PSMB2: variants seen among roughly 807,000 people sequenced by gnomAD.
PSMB2 encodes proteasome subunit beta type-2.
In PSMB2, 13 loss-of-function variants were observed where a neutral mutation model predicts 25.7. That is an observed-to-expected ratio of 0.51 (90% confidence interval 0.33 to 0.80). The LOEUF (loss-of-function observed/expected upper bound fraction) is 0.80. Among genes scored for constraint, PSMB2 ranks in the 30% least tolerant of loss-of-function variants. PSMB2 has a pLI of 0.02. For synonymous variants in PSMB2, 87 were observed against 96.2 expected (o/e 0.90, Z 0.56); for missense variants, 202 against 259.0 (o/e 0.78, Z 1.51).
Position 35,601,296 on chromosome 1 carries a change from CCT to C in PSMB2, c.*1969_*1970del, listed in dbSNP as rs201963362. The C allele has an allele frequency of 4.1e-3, 3,491 of 858,926 alleles. 88 individuals carry two copies. In the African/African-American group the frequency reaches 0.059, roughly 15 times the overall value. The allele number at this position is 858,926 out of a possible 1,614,324, so 53.2% of individuals were successfully genotyped here. On this transcript the variant is annotated 3_prime_UTR_variant, in exon 6 of 6. Coordinates refer to ENST00000373237, the MANE Select transcript of PSMB2 (RefSeq NM_002794.5). ...ATGTTGGCCAGGCTGGTCTTGAACT[CCT>C]GACCTCAGGTGATCCGCCCGCCTCG...
At chr1:35,640,082 A>G (rs112079810) in intron 1 of PSMB2, among the ~76,000 whole-genome samples, 2 of 146,150 alleles carry the variant, frequency 1.4e-5, no homozygotes, top group African/African-American at 5.4e-5. Context: ...ATACTATACT[A>G]TACTATACTA....
intron 5 of PSMB2, among the ~76,000 whole-genome samples, chr1:35,604,974 C>G (rs140104544): frequency 0.015 from 2,274 of 152,230 alleles, 61 homozygotes; most frequent in African/African-American, 0.051. Flanking sequence ...CTTACACACA[C>G]TAAAATTTGA....
chr1:35,628,623 ATATATATATTTTT>A (rs1557456582), intron 3 of PSMB2, among the ~76,000 whole-genome samples: 29 of 46,464 alleles, frequency 6.2e-4, no homozygotes, highest in African/African-American at 2.5e-3. Context: ...ATATATATAT[ATATATATATTTTT>A]TTTTTTTTTT....
In PSMB2 at chr1:35,599,988, T is replaced by A; in HGVS notation, c.*3279A>T. On this transcript the variant is annotated 3_prime_UTR_variant, in exon 6 of 6. Transcript: ENST00000373237. ...TCTCTACAAAAAATTTTGACAAAAT[T>A]AGCTGGGTGCAGTGGTGCACCCCTC... The A allele has an allele frequency of 1.6e-6, 1 of 628,960 alleles. No homozygotes were observed. Among genetic ancestry groups the A allele is most frequent in the Non-Finnish European group, 2.0e-6 (1 of 504,836 alleles). The allele number at this position is 628,960 out of a possible 1,614,324, so 39.0% of individuals were successfully genotyped here.
At chr1:35,619,455 CT>C (rs1387959972) in intron 3 of PSMB2, among the ~76,000 whole-genome samples, 4 of 152,154 alleles carry the variant, frequency 2.6e-5, no homozygotes, top group Non-Finnish European at 4.4e-5. Flanking sequence ...CACTTGGAGT[CT>C]TGAGTGCCCC....
At chr1:35,634,451 A>T (rs560706154) in intron 2 of PSMB2, among the ~76,000 whole-genome samples, 1 of 152,292 alleles carries the variant, frequency 6.6e-6, no homozygotes, top group Admixed American at 6.5e-5. Flanking sequence ...ATCATGGCTC[A>T]CTGAGACCTT....
chr1:35,629,939 C>T (rs963887927), intron 3 of PSMB2, among the ~76,000 whole-genome samples: 2 of 152,180 alleles, frequency 1.3e-5, no homozygotes, highest in Admixed American at 6.5e-5. Flanking sequence ...GAGGCCAAGG[C>T]GGGCAGATCA....
In PSMB2 at chr1:35,600,081, T is replaced by G; in HGVS notation, c.*3186A>C. ...AGCCCAGGAGTTCAAGTGAACTTAC[T>G]GCAGTAAGCTACGATCGTGCCACTG... On this transcript the variant is annotated 3_prime_UTR_variant, in exon 6 of 6. Transcript: ENST00000373237. The G allele has an allele frequency of 1.3e-6, 1 of 791,542 alleles. No individual in the cohort carries two copies. The highest frequency in any genetic ancestry group is 1.5e-6 in the Non-Finnish European group (1 of 653,398). The allele number at this position is 791,542 out of a possible 1,614,324, so 49.0% of individuals were successfully genotyped here.
intron 3 of PSMB2, among the ~76,000 whole-genome samples, chr1:35,622,320 C>G (rs1202900598): frequency 2.0e-5 from 3 of 152,106 alleles, no homozygotes; most frequent in Non-Finnish European, 4.4e-5. Context: ...CTATGCCTAC[C>G]CAGACTGGGG....
chr1:35,641,216 A>T (rs1651385963), intron 1 of PSMB2, 126 bp downstream of exon 1: 2 of 1,187,946 alleles, frequency 1.7e-6, no homozygotes, highest in Non-Finnish European at 2.3e-6. Context: ...AAATAAAATA[A>T]GTACGGGCAG....
intron 3 of PSMB2, among the ~76,000 whole-genome samples, chr1:35,617,707 CAG>C (rs1427631471): frequency 2.6e-5 from 4 of 152,162 alleles, no homozygotes; most frequent in East Asian, 1.9e-4. Context: ...GACAAAGAAA[CAG>C]AGGAATATGG....
At chr1:35,635,982 G>T (rs1223902751) in intron 2 of PSMB2, among the ~76,000 whole-genome samples, 3 of 152,008 alleles carry the variant, frequency 2.0e-5, no homozygotes, top group Admixed American at 2.0e-4. Flanking sequence ...TAGTACTTTA[G>T]TATGTGACTG....
At chr1:35,630,271 G>A (rs1031795524) in intron 3 of PSMB2, among the ~76,000 whole-genome samples, 1 of 152,112 alleles carries the variant, frequency 6.6e-6, no homozygotes, top group Non-Finnish European at 1.5e-5. Context: ...TAAGTAATAT[G>A]GTTTGTTACA....
intron 3 of PSMB2, among the ~76,000 whole-genome samples, chr1:35,613,529 A>G (rs972512398): frequency 2.0e-5 from 3 of 152,236 alleles, no homozygotes; most frequent in Non-Finnish European, 4.4e-5. Flanking sequence ...AATAAAAAGA[A>G]AAGTCACTAA....
intron 2 of PSMB2, among the ~76,000 whole-genome samples, chr1:35,633,592 G>A (rs190381950): frequency 6.6e-6 from 1 of 152,282 alleles, no homozygotes; most frequent in Admixed American, 6.5e-5. Context: ...AGCCAGTGAA[G>A]TCATACAGTA....
At chr1:35,605,784 C>T (rs1650151376) in intron 4 of PSMB2, among the ~76,000 whole-genome samples, 1 of 152,118 alleles carries the variant, frequency 6.6e-6, no homozygotes. Flanking sequence ...AAATAGGAGC[C>T]AAAGGAACTG....
rs77628349 is a variant in PSMB2, at chr1:35,617,892, C to T, written c.286-8484G>A. Among the ~76,000 whole-genome samples the T allele has an allele frequency of 6.1e-3, 930 of 152,334 alleles. 7 individuals are homozygous for T. The highest frequency in any genetic ancestry group is 9.7e-3 in the South Asian group (47 of 4,826). ...AACATTTGCCACTTCCATCCCTCTG[C>T]TGATCCAAGCCTTTTTTCATGACAT... On this transcript the variant is annotated intron_variant, in intron 3 of 5. Coordinates refer to ENST00000373237, the MANE Select transcript of PSMB2 (RefSeq NM_002794.5).
In PSMB2 at chr1:35,636,397, A is replaced by G. The variant is rs145971155; in HGVS notation, c.127T>C (p.Leu43=). The change falls in exon 2 of 6, where the codon TTA becomes CTA. Residue 43 remains leucine, a synonymous_variant. Transcript: ENST00000373237. The part of the protein sequence containing the change: ...DKMFKMSEKI[L]LLCVGEAGDT... ...CCAGCCTCTCCAACACACAGGAGTA[A>G]TATCTTTTCACTCATCTTAAACATC... 1.2e-5 allele frequency: 20 copies of G among 1,614,042 alleles called. 1 individual carries two copies. The African/African-American group carries it at 2.4e-4, about 19-fold the overall frequency.
At chr1:35,611,504 T>C (rs1386669891) in intron 3 of PSMB2, among the ~76,000 whole-genome samples, 1 of 152,090 alleles carries the variant, frequency 6.6e-6, no homozygotes, top group Non-Finnish European at 1.5e-5. Context: ...CACCATGCCC[T>C]GCTGATTTAT....
Sources: gnomAD v4.1 joint callset for allele counts (sites outside exome capture counted in the v4.1 genomes callset) on GRCh38, gnomAD v4.1.1 for gene constraint, MANE v1.5 for transcripts, NCBI Gene and HGNC (gene_info 2026-07-23, HGNC 2026-07-21) for gene names.